COL26A1: variants seen among roughly 807,000 people sequenced by gnomAD.
COL26A1 encodes collagen alpha-1(XXVI) chain.
A neutral mutation model predicts 59.3 loss-of-function variants in COL26A1; 41 were observed. The observed-to-expected ratio is 0.69, with a 90% CI of 0.54 to 0.90. The LOEUF is 0.90. Ranked by LOEUF, COL26A1 falls within the 40% of genes least tolerant of loss-of-function variation. The pLI is 0.00. For synonymous variants in COL26A1, 266 were observed against 256.0 expected (o/e 1.04, Z -0.37); for missense variants, 612 against 602.3 (o/e 1.02, Z -0.17).
At position 101,445,532 on chromosome 7, in the gene COL26A1, C is replaced by T. The variant is rs575319908; in HGVS notation, c.282-2152C>T. The stretch of plus-strand genomic sequence containing the variant: ...GGATCACGAGGTCAGGAGATCGAGA[C>T]CATCCCGGCTAAAACGGTGAAACCC... On this transcript the variant is annotated intron_variant, in intron 2 of 12. Transcript: ENST00000313669. 3.9e-4 allele frequency among the ~76,000 whole-genome samples: 52 copies of T among 131,680 alleles called. No individual in the cohort carries two copies. The South Asian group carries it at 5.2e-3, about 13-fold the overall frequency. The allele number at this position is 131,680 out of a possible 152,430, so 86.4% of individuals were successfully genotyped here.
intron 2 of COL26A1, among the ~76,000 whole-genome samples, chr7:101,434,379 G>A (rs1043011177): frequency 3.3e-5 from 5 of 151,300 alleles, no homozygotes; most frequent in South Asian, 2.1e-4. Flanking sequence ...TCAGCCTCCC[G>A]AGTAGCTGGG....
At chr7:101,426,019 G>C (rs932209878) in intron 2 of COL26A1, among the ~76,000 whole-genome samples, 3 of 151,862 alleles carry the variant, frequency 2.0e-5, no homozygotes, top group African/African-American at 7.3e-5. Context: ...TAGGGATGAG[G>C]TTTCACCATG....
intron 1 of COL26A1, among the ~76,000 whole-genome samples, chr7:101,375,989 GAAAAA>G (rs35433251): frequency 8.1e-6 from 1 of 122,792 alleles, no homozygotes; most frequent in Non-Finnish European, 1.6e-5. Context: ...CCATCTCAAA[GAAAAA>G]AAAAAAAAAA....
intron 11 of COL26A1, among the ~76,000 whole-genome samples, chr7:101,553,639 C>T (rs1337208161): frequency 2.0e-5 from 3 of 152,186 alleles, no homozygotes; most frequent in Non-Finnish European, 4.4e-5. Context: ...GGGGGCTTCC[C>T]GGGACAGGGA....
rs142531423 is a variant in COL26A1, at chr7:101,453,560, T to C, written c.385+5773T>C. Among the ~76,000 whole-genome samples, 48 of 152,310 alleles carry C rather than the reference T, an allele frequency of 3.2e-4. No homozygotes were observed. The East Asian group carries it at 8.9e-3, about 28-fold the overall frequency. ...GCCCCTCCCTGGTGGAGAAGCCTTC[T>C]GGGCTTCAAGCACCTTGCTCAGGAT... On this transcript the variant is annotated intron_variant, in intron 3 of 12. Transcript: ENST00000313669.
intron 3 of COL26A1, among the ~76,000 whole-genome samples, chr7:101,452,375 G>A (rs934806309): frequency 1.3e-5 from 2 of 152,146 alleles, no homozygotes; most frequent in Admixed American, 1.3e-4. Context: ...GTGAAGGGGG[G>A]TGACTGTGAG....
chr7:101,441,096 C>A (rs1584409931), intron 2 of COL26A1, among the ~76,000 whole-genome samples: 2 of 152,022 alleles, frequency 1.3e-5, no homozygotes, highest in East Asian at 3.9e-4. Flanking sequence ...GAGGGAAAAC[C>A]TTTGCCTGTA....
At chr7:101,550,168 C>A (rs1022990602) in intron 9 of COL26A1, among the ~76,000 whole-genome samples, 5 of 152,148 alleles carry the variant, frequency 3.3e-5, no homozygotes, top group African/African-American at 1.2e-4. Context: ...CTTTAAAAAG[C>A]TCCTCTGAGG....
rs1306101185 is a variant in COL26A1 at position 101,558,922 on chromosome 7, T to G, written c.*1392T>G. 3 of 152,542 alleles carry G rather than the reference T, an allele frequency of 2.0e-5. No homozygotes were observed. The highest frequency in any genetic ancestry group is 4.4e-5 in the Non-Finnish European group (3 of 68,218). The allele number at this position is 152,542 out of a possible 1,614,324, so 9.4% of individuals were successfully genotyped here. A position where few individuals can be genotyped will look rare whatever the true frequency, so the allele number is the denominator to read the frequency against. Reference sequence around the variant, plus strand: ...CTTCTTCTGGCCCTTGAGGCAGGTCTGGAGAGGCAGTCTCTGTCTTCATGG... The same window carrying G: ...CTTCTTCTGGCCCTTGAGGCAGGTCGGGAGAGGCAGTCTCTGTCTTCATGG... On this transcript the variant is annotated 3_prime_UTR_variant, in exon 13 of 13. Transcript: ENST00000313669.
chr7:101,434,939 G>A (rs538371157), intron 2 of COL26A1, among the ~76,000 whole-genome samples: 1 of 152,250 alleles, frequency 6.6e-6, no homozygotes, highest in East Asian at 1.9e-4. Context: ...AGGGAGACCT[G>A]GTCCGTGGGT....
chr7:101,447,801 C>T lies in COL26A1; in HGVS notation c.385+14C>T, dbSNP rs771897321. ...ACTGTGATGAGGGTAAGTTGGCAGG[C>T]ACTTGGGCTGCAGGGGGCCAGGCGT... On this transcript the variant is annotated intron_variant, in intron 3 of 12. Transcript: ENST00000313669. 3.9e-6 allele frequency: 6 copies of T among 1,556,516 alleles called. No individual in the cohort carries two copies. The highest frequency in any genetic ancestry group is 4.4e-6 in the Non-Finnish European group (5 of 1,139,860).
chr7:101,402,627 T>C (rs1792036619), intron 1 of COL26A1, among the ~76,000 whole-genome samples: 1 of 127,882 alleles, frequency 7.8e-6, no homozygotes, highest in Admixed American at 8.0e-5. Context: ...TTCTCTTTCT[T>C]TCTCCCCTCC....
At chr7:101,442,998 T>C (rs1440613395) in intron 2 of COL26A1, among the ~76,000 whole-genome samples, 4 of 152,148 alleles carry the variant, frequency 2.6e-5, no homozygotes, top group Non-Finnish European at 2.9e-5. Flanking sequence ...TGTGCAAGCG[T>C]GTGAAGGTGT....
At chr7:101,395,714 G>A (rs1390755990) in intron 1 of COL26A1, among the ~76,000 whole-genome samples, 4 of 152,192 alleles carry the variant, frequency 2.6e-5, no homozygotes, top group Non-Finnish European at 5.9e-5. Flanking sequence ...CTTGAGCACA[G>A]CAGCCAGATG....
chr7:101,538,111 C>T (rs563088086), intron 4 of COL26A1, among the ~76,000 whole-genome samples: 3 of 152,314 alleles, frequency 2.0e-5, no homozygotes, highest in African/African-American at 7.2e-5. Flanking sequence ...AAATCCCCTG[C>T]GCTGGCCATC....
chr7:101,425,248 G>C (rs572022096), intron 2 of COL26A1, among the ~76,000 whole-genome samples: 26 of 147,734 alleles, frequency 1.8e-4, no homozygotes, highest in Admixed American at 3.3e-4. Flanking sequence ...AGCCAGGCGT[G>C]GTGGCGGGTG....
At chr7:101,463,112 C>A (rs1793653775) in intron 3 of COL26A1, among the ~76,000 whole-genome samples, 1 of 152,180 alleles carries the variant, frequency 6.6e-6, no homozygotes, top group South Asian at 2.1e-4. Context: ...CTTACCTTCT[C>A]TAAATGTGTC....
intron 3 of COL26A1, among the ~76,000 whole-genome samples, chr7:101,462,674 A>G (rs1175093954): frequency 1.3e-5 from 2 of 152,110 alleles, no homozygotes; most frequent in African/African-American, 4.8e-5. Flanking sequence ...CTGTGGTGTC[A>G]TCAACAGTTC....
intron 1 of COL26A1, among the ~76,000 whole-genome samples, chr7:101,385,500 A>G (rs577778600): frequency 6.6e-6 from 1 of 151,366 alleles, no homozygotes; most frequent in African/African-American, 2.4e-5. Flanking sequence ...CCTCCTGAGT[A>G]GCTGGGATCA....
Sources: gnomAD v4.1 joint callset for allele counts (sites outside exome capture counted in the v4.1 genomes callset) on GRCh38, gnomAD v4.1.1 for gene constraint, MANE v1.5 for transcripts, NCBI Gene and HGNC (gene_info 2026-07-23, HGNC 2026-07-21) for gene names.